The following RBFOX1 variants were observed in gnomAD, a reference collection of about 807,000 sequenced individuals.
The protein encoded by RBFOX1 is RNA binding protein fox-1 homolog 1.
RBFOX1 carries 8 observed loss-of-function variants against 57.7 expected under a neutral mutation model. That is an observed-to-expected ratio of 0.14 (90% CI 0.08 to 0.25). The LOEUF (loss-of-function observed/expected upper bound fraction) is 0.25, where lower values mean the gene tolerates loss of function less well. RBFOX1 is among the 10% of genes least tolerant of loss of function. The pLI, the probability that RBFOX1 is intolerant of heterozygous loss-of-function variation, is 1.00. For missense variants in RBFOX1, 611 were observed against 548.5 expected, an observed-to-expected ratio of 1.11 and a Z score of -1.14; for synonymous variants, 326 against 222.4, an observed-to-expected ratio of 1.47 and a Z score of -4.15.
At chr16:5,936,767 A>T (rs1191629432) in intron 4 of RBFOX1, among the ~76,000 whole-genome samples, 1 of 152,188 alleles carries the variant, frequency 6.6e-6, no homozygotes, top group Non-Finnish European at 1.5e-5. Flanking sequence ...GCTGAGTTTC[A>T]TACAAGGGTC....
Position 5,294,834 on chromosome 16 carries a change from C to G in RBFOX1, c.219+54729C>G, listed in dbSNP as rs1476634768. On this transcript the variant is annotated intron_variant, in intron 1 of 2. Transcript: ENST00000585867. ...TCACTTGAGGCCAGGATTTCAAGAT[C>G]TGCCTGGCCAACATGAGAAAACCCC... Among the ~76,000 whole-genome samples the G allele has an allele frequency of 2.6e-5, 4 of 151,594 alleles. No homozygotes were observed. In the East Asian group the frequency reaches 7.9e-4, roughly 30 times the overall value.
chr16:5,448,259 A>G (rs1343977115), intron 1 of RBFOX1, among the ~76,000 whole-genome samples: 2 of 152,106 alleles, frequency 1.3e-5, no homozygotes, highest in African/African-American at 4.8e-5. Flanking sequence ...AGACCCACGT[A>G]TGGGGTTGTC....
chr16:6,874,323 C>T (rs1005152452), intron 3 of RBFOX1, among the ~76,000 whole-genome samples: 7 of 151,790 alleles, frequency 4.6e-5, no homozygotes, highest in Non-Finnish European at 1.0e-4. Context: ...CCAGCCTGGC[C>T]AACATGATGA....
intron 3 of RBFOX1, among the ~76,000 whole-genome samples, chr16:6,757,164 T>G (rs972151992): frequency 6.6e-6 from 1 of 152,108 alleles, no homozygotes; most frequent in African/African-American, 2.4e-5. Flanking sequence ...AGCAAGGATG[T>G]GGAGAAAAGG....
intron 4 of RBFOX1, among the ~76,000 whole-genome samples, chr16:7,090,449 T>G (rs2060639043): frequency 6.6e-6 from 1 of 152,164 alleles, no homozygotes; most frequent in African/African-American, 2.4e-5. Flanking sequence ...TCCTGTGTAT[T>G]TGAAAGGTAA....
At chr16:6,831,328 T>A (rs1161080816) in intron 3 of RBFOX1, among the ~76,000 whole-genome samples, 1 of 152,198 alleles carries the variant, frequency 6.6e-6, no homozygotes, top group Non-Finnish European at 1.5e-5. Flanking sequence ...CTCCTGTTTT[T>A]TCCAATGTCT....
At chr16:6,398,696 C>G (rs545582507) in intron 2 of RBFOX1, among the ~76,000 whole-genome samples, 1 of 152,228 alleles carries the variant, frequency 6.6e-6, no homozygotes, top group Non-Finnish European at 1.5e-5. Context: ...CCTTGGGCAG[C>G]TCTGCCCCTA....
chr16:5,988,105 C>T (rs538014687), intron 4 of RBFOX1, among the ~76,000 whole-genome samples: 1 of 152,274 alleles, frequency 6.6e-6, no homozygotes, highest in Non-Finnish European at 1.5e-5. Context: ...AAAATTCAGA[C>T]CCGATTCAAT....
chr16:5,351,312 C>A (rs371420046), intron 1 of RBFOX1, among the ~76,000 whole-genome samples: 1 of 152,150 alleles, frequency 6.6e-6, no homozygotes, highest in African/African-American at 2.4e-5. Flanking sequence ...TGATAGAATT[C>A]CGTCTTCTAA....
chr16:6,628,404 C>A (rs1395394560), intron 2 of RBFOX1, among the ~76,000 whole-genome samples: 1 of 152,124 alleles, frequency 6.6e-6, no homozygotes, highest in Non-Finnish European at 1.5e-5. Flanking sequence ...GTTGTAATTG[C>A]AGATGTATAT....
In RBFOX1 at chr16:6,441,221, T is replaced by G. The variant is rs552728103; in HGVS notation, c.-64+124164T>G. ...AATGTCTAATGCCGCTGATCTCAAG[T>G]GAGCCAGGGTTCTAAGGGAGGCAGG... On this transcript the variant is annotated intron_variant, in intron 2 of 15. Transcript: ENST00000550418. Among the ~76,000 whole-genome samples the G allele has an allele frequency of 1.8e-4, 27 of 152,164 alleles. No individual in the cohort carries two copies. The South Asian group carries it at 5.0e-3, about 28-fold the overall frequency.
At chr16:6,844,021 T>C (rs943451319) in intron 3 of RBFOX1, among the ~76,000 whole-genome samples, 2 of 152,106 alleles carry the variant, frequency 1.3e-5, no homozygotes, top group Admixed American at 6.5e-5. Context: ...TCTGAACCTT[T>C]TCCCAACAAT....
intron 3 of RBFOX1, among the ~76,000 whole-genome samples, chr16:5,834,676 G>A (rs978451814): frequency 7.4e-6 from 1 of 135,214 alleles, no homozygotes; most frequent in African/African-American, 2.8e-5. Context: ...TTGCTGGATT[G>A]AATGGGATAG....
intron 3 of RBFOX1, among the ~76,000 whole-genome samples, chr16:6,747,662 A>G (rs1316438286): frequency 1.3e-5 from 2 of 151,948 alleles, no homozygotes; most frequent in Non-Finnish European, 2.9e-5. Context: ...ATCCCACACC[A>G]CCCCTACTAT....
intron 1 of RBFOX1, among the ~76,000 whole-genome samples, chr16:5,415,183 A>G (rs1310187952): frequency 6.6e-6 from 1 of 152,182 alleles, no homozygotes; most frequent in Admixed American, 6.5e-5. Flanking sequence ...AGGTTTAATT[A>G]ACTTGCAGTT....
At chr16:6,559,111 ATGTG>A (rs34909448) in intron 2 of RBFOX1, among the ~76,000 whole-genome samples, 2,662 of 149,710 alleles carry the variant, frequency 0.018, 54 homozygotes, top group African/African-American at 0.048. Context: ...ATATATACAT[ATGTG>A]TGTGTGTGTG....
At chr16:6,760,525 A>G (rs1603615685) in intron 3 of RBFOX1, among the ~76,000 whole-genome samples, 1 of 152,222 alleles carries the variant, frequency 6.6e-6, no homozygotes, top group Non-Finnish European at 1.5e-5. Flanking sequence ...ATGTGAAAAG[A>G]TAAACAGTAA....
In RBFOX1 at chr16:5,999,180, C is replaced by T. The variant is rs568177013; in HGVS notation, c.351+131845C>T. On this transcript the variant is annotated intron_variant, in intron 4 of 19. Coordinates refer to the RBFOX1 transcript ENST00000641259. ...TCACTCCTTAGAATGCATGCCCAGC[C>T]TCCTGCCAACACTGCCTTTCCATTA... is the stretch of plus-strand genomic sequence containing the variant. Among the ~76,000 whole-genome samples the T allele has an allele frequency of 2.6e-5, 4 of 152,286 alleles. No individual in the cohort carries two copies. In the South Asian group the frequency reaches 8.3e-4, roughly 32 times the overall value.
chr16:7,114,045 A>C (rs1177793077), intron 4 of RBFOX1, among the ~76,000 whole-genome samples: 1 of 152,206 alleles, frequency 6.6e-6, no homozygotes, highest in Admixed American at 6.5e-5. Flanking sequence ...TTTATGAGCA[A>C]AGAACTGTCA....
Sources: gnomAD v4.1 joint callset for allele counts (sites outside exome capture counted in the v4.1 genomes callset) on GRCh38, gnomAD v4.1.1 for gene constraint, MANE v1.5 for transcripts, NCBI Gene and HGNC (gene_info 2026-07-23, HGNC 2026-07-21) for gene names.